ACTR3: variants seen among roughly 807,000 people sequenced by gnomAD.
The protein encoded by ACTR3 is actin-related protein 3.
In ACTR3, 12 loss-of-function variants were observed where a neutral mutation model predicts 56.8. That is an observed-to-expected ratio of 0.21 (90% CI 0.14 to 0.34). The LOEUF (loss-of-function observed/expected upper bound fraction) is 0.34, where lower values mean the gene tolerates loss of function less well. Among genes scored for constraint, ACTR3 ranks in the 10% least tolerant of loss-of-function variants. The probability of loss-of-function intolerance (pLI) is 1.00; values close to 1 mark genes in which losing one functional copy is unlikely to be tolerated. For synonymous variants in ACTR3, 162 were observed against 167.4 expected (o/e 0.97, Z 0.25); for missense variants, 282 against 512.5 (o/e 0.55, Z 4.34).
intron 3 of ACTR3, among the ~76,000 whole-genome samples, chr2:113,926,164 G>T (rs988594640): frequency 6.6e-6 from 1 of 152,168 alleles, no homozygotes; most frequent in African/African-American, 2.4e-5. Flanking sequence ...TTGCCACCCT[G>T]ATTTCTTGTT....
chr2:113,916,343 GA>G (rs1042307251), intron 2 of ACTR3, among the ~76,000 whole-genome samples: 9 of 152,122 alleles, frequency 5.9e-5, no homozygotes, highest in African/African-American at 2.2e-4. Context: ...TCACCTAAAT[GA>G]ATTGAGATTT....
In ACTR3 at chr2:113,903,323, T is replaced by C. The variant is rs1679135283; in HGVS notation, c.45-9849T>C. 2.0e-5 allele frequency among the ~76,000 whole-genome samples: 3 copies of C among 152,184 alleles called. No individual in the cohort carries two copies. In the South Asian group the frequency reaches 6.2e-4, roughly 31 times the overall value. The stretch of plus-strand genomic sequence containing the variant: ...TCTTGAGCCTCTTAAATCTCTAAAT[T>C]TCTGTCTTTCACTAAATTGGGAAAA... On this transcript the variant is annotated intron_variant, in intron 1 of 11. Transcript: ENST00000263238.
chr2:113,920,499 A>T (rs1457967375), intron 3 of ACTR3, among the ~76,000 whole-genome samples: 1 of 152,240 alleles, frequency 6.6e-6, no homozygotes, highest in Non-Finnish European at 1.5e-5. Context: ...TGTGTTGAGA[A>T]TATTCAGAAT....
intron 3 of ACTR3, among the ~76,000 whole-genome samples, chr2:113,922,625 CTA>C (rs1484581474): frequency 6.2e-5 from 4 of 64,082 alleles, no homozygotes; most frequent in African/African-American, 3.0e-4. Flanking sequence ...AGAATAATGA[CTA>C]TGAATTCTTA....
chr2:113,926,920 G>A lies in ACTR3; in HGVS notation c.226-425G>A, dbSNP rs143408285. 2.1e-3 allele frequency among the ~76,000 whole-genome samples: 317 copies of A among 152,244 alleles called. 1 individual carries two copies. Among genetic ancestry groups the A allele is most frequent in the African/African-American group, 7.4e-3 (307 of 41,550 alleles). On this transcript the variant is annotated intron_variant, in intron 3 of 11. Transcript: ENST00000263238. ...AATTATTCTAGGTATGTACTTACAG[G>A]TGCACTTTTTATATTCGGCATACAA...
In ACTR3 at chr2:113,916,932, G is replaced by A; in HGVS notation, c.149G>A (p.Arg50Lys). Residue 50 changes from arginine (R) to lysine (K), a missense_variant, in exon 3 of 12, where the codon AGG becomes AAG. Arg to Lys is a conservative substitution (Grantham distance 26). Transcript: ENST00000263238. Reference sequence around the variant, plus strand: ...AAAGTGGGTGATCAAGCTCAAAGGAGGGTGATGAAAGGTGTTGATGACCTA... The same window carrying A: ...AAAGTGGGTGATCAAGCTCAAAGGAAGGTGATGAAAGGTGTTGATGACCTA... ...SAKVGDQAQR[R>K]VMKGVDDLDF... 6.2e-7 allele frequency: 1 copy of A among 1,610,082 alleles called. No homozygotes were observed. Among genetic ancestry groups the A allele is most frequent in the Non-Finnish European group, 8.5e-7 (1 of 1,177,452 alleles).
chr2:113,900,433 G>A (rs1679079493), intron 1 of ACTR3, among the ~76,000 whole-genome samples: 1 of 152,200 alleles, frequency 6.6e-6, no homozygotes, highest in South Asian at 2.1e-4. Context: ...GCTGACTGCT[G>A]TAGTCGTTGT....
At chr2:113,942,501 G>A in intron 8 of ACTR3, 142 bp downstream of exon 8, 2 of 609,298 alleles carry the variant, frequency 3.3e-6, no homozygotes, top group Non-Finnish European at 4.9e-6. Context: ...AACATTTTAT[G>A]AACTTTTTAA....
At chr2:113,907,802 G>A (rs1679223241) in intron 1 of ACTR3, among the ~76,000 whole-genome samples, 1 of 151,708 alleles carries the variant, frequency 6.6e-6, no homozygotes, top group Non-Finnish European at 1.5e-5. Context: ...GAGAAACCCT[G>A]TCTCTACTGA....
chr2:113,903,266 TG>T (rs2104584919), intron 1 of ACTR3, among the ~76,000 whole-genome samples: 1 of 152,352 alleles, frequency 6.6e-6, no homozygotes, highest in East Asian at 1.9e-4. Flanking sequence ...TGCCTAAGTG[TG>T]GTTTTCTTTA....
intron 6 of ACTR3, among the ~76,000 whole-genome samples, chr2:113,935,573 G>T (rs1411671110): frequency 6.6e-6 from 1 of 152,184 alleles, no homozygotes; most frequent in Non-Finnish European, 1.5e-5. Flanking sequence ...ATTTCATTAT[G>T]TGGATATATG....
intron 4 of ACTR3, among the ~76,000 whole-genome samples, chr2:113,929,805 A>C (rs1373107941): frequency 4.6e-5 from 7 of 151,916 alleles, no homozygotes; most frequent in Admixed American, 4.6e-4. Context: ...CAGCCTCCTG[A>C]GTAGCTGGGA....
chr2:113,902,181 C>T (rs1381905254), intron 1 of ACTR3, among the ~76,000 whole-genome samples: 3 of 152,118 alleles, frequency 2.0e-5, no homozygotes, highest in Admixed American at 6.5e-5. Context: ...GTGACAGACT[C>T]GCCTTTTTTT....
At chr2:113,891,590 A>G (rs1678898940) in intron 1 of ACTR3, among the ~76,000 whole-genome samples, 1 of 151,506 alleles carries the variant, frequency 6.6e-6, no homozygotes, top group Admixed American at 6.6e-5. Context: ...TTGAGGGGGA[A>G]GTCAGTAAGA....
At chr2:113,913,047 C>G in intron 1 of ACTR3, 125 bp from the exon 2 acceptor site, 1 of 582,106 alleles carries the variant, frequency 1.7e-6, no homozygotes, top group Non-Finnish European at 3.0e-6. Context: ...TGAAGTGAAA[C>G]TATGGAATTT....
At chr2:113,893,338 G>A (rs1266611154) in intron 1 of ACTR3, among the ~76,000 whole-genome samples, 1 of 151,794 alleles carries the variant, frequency 6.6e-6, no homozygotes, top group Non-Finnish European at 1.5e-5. Context: ...CCTGTCGCTG[G>A]GCTGGAGTGC....
At chr2:113,949,160 C>A (rs1002761054) in intron 8 of ACTR3, among the ~76,000 whole-genome samples, 20 of 150,746 alleles carry the variant, frequency 1.3e-4, no homozygotes, top group East Asian at 2.0e-4. Context: ...GGCGGATCAC[C>A]TGAGGTCAGG....
At position 113,934,160 on chromosome 2, in the gene ACTR3, A is replaced by T. The variant is rs182415480; in HGVS notation, c.433-119A>T. 4.8e-5 allele frequency: 32 copies of T among 667,638 alleles called. No individual in the cohort carries two copies. In the East Asian group the frequency reaches 7.9e-4, roughly 17 times the overall value. 41.4% of individuals were successfully genotyped at this position (667,638 alleles called of 1,614,324 possible). ...TTTTATGTATTTTCTTTCCACAGATACTACATTTAAAATTGAATAAAGTAC... is the reference window on the plus strand; with the variant it reads ...TTTTATGTATTTTCTTTCCACAGATTCTACATTTAAAATTGAATAAAGTAC... On this transcript the variant is annotated intron_variant, in intron 5 of 11. Coordinates refer to ENST00000263238, the MANE Select transcript of ACTR3 (RefSeq NM_005721.5).
intron 4 of ACTR3, among the ~76,000 whole-genome samples, chr2:113,927,808 CAATAT>C (rs1259084317): frequency 2.6e-5 from 4 of 152,036 alleles, no homozygotes; most frequent in African/African-American, 4.8e-5. Flanking sequence ...AACAAAAATA[CAATAT>C]AATCTAACTT....
Sources: allele counts gnomAD v4.1 joint callset (sites outside exome capture counted in the v4.1 genomes callset), GRCh38; gene constraint gnomAD v4.1.1; transcripts MANE v1.5; gene names NCBI Gene and HGNC (gene_info 2026-07-23, HGNC 2026-07-21).